The following PRR16 variants were observed in gnomAD, a reference collection of about 807,000 sequenced individuals.
PRR16 encodes the protein proline rich 16, also known as protein Largen.
Under a neutral mutation model 18.2 loss-of-function variants are expected in PRR16, and 6 were observed. The observed-to-expected ratio is 0.33, with a 90% CI of 0.18 to 0.65. PRR16 has a LOEUF of 0.65. PRR16 is among the 30% of genes least tolerant of loss of function. PRR16 has a pLI of 0.74. For missense variants in PRR16, 412 were observed against 376.6 expected (o/e 1.09, Z -0.78); for synonymous variants, 151 against 147.8 (o/e 1.02, Z -0.16).
intron 1 of PRR16, among the ~76,000 whole-genome samples, chr5:120,649,062 G>T (rs1400053416): frequency 2.0e-5 from 3 of 151,988 alleles, no homozygotes; most frequent in Admixed American, 2.0e-4. Flanking sequence ...TTAACAATTG[G>T]CTCACAAATT....
At chr5:120,579,927 C>T (rs1753211325) in intron 1 of PRR16, among the ~76,000 whole-genome samples, 1 of 152,064 alleles carries the variant, frequency 6.6e-6, no homozygotes, top group Non-Finnish European at 1.5e-5. Flanking sequence ...GTTTGTAGTT[C>T]TCCTTGAAGA....
At chr5:120,537,703 T>C (rs968422766) in intron 1 of PRR16, among the ~76,000 whole-genome samples, 4 of 152,002 alleles carry the variant, frequency 2.6e-5, no homozygotes, top group Non-Finnish European at 4.4e-5. Flanking sequence ...AAAAATAAAT[T>C]GTTTTTAAAC....
intron 1 of PRR16, among the ~76,000 whole-genome samples, chr5:120,626,137 T>C (rs1316838308): frequency 1.3e-5 from 2 of 152,118 alleles, no homozygotes; most frequent in Non-Finnish European, 2.9e-5. Flanking sequence ...GTTATAAACA[T>C]GTGTATACCC....
At chr5:120,746,969 G>A in the PRR16 span, among the ~76,000 whole-genome samples, 21 of 152,200 alleles carry the variant, frequency 1.4e-4, no homozygotes, top group South Asian at 1.0e-3. Flanking sequence ...GCAAGCTTTC[G>A]TTTCAATTTA....
chr5:120,495,580 A>T (rs1750217651), intron 1 of PRR16, among the ~76,000 whole-genome samples: 1 of 152,130 alleles, frequency 6.6e-6, no homozygotes, highest in African/African-American at 2.4e-5. Context: ...CTTTCCATAA[A>T]TATTTTCCAT....
At chr5:120,772,777 A>C in the PRR16 span, among the ~76,000 whole-genome samples, 1 of 152,096 alleles carries the variant, frequency 6.6e-6, no homozygotes, top group East Asian at 1.9e-4. Context: ...GATGCTCACA[A>C]AACATCTTCC....
At chr5:120,511,336 G>C (rs1254591268) in intron 1 of PRR16, among the ~76,000 whole-genome samples, 1 of 152,096 alleles carries the variant, frequency 6.6e-6, no homozygotes, top group African/African-American at 2.4e-5. Context: ...CTCTTGGACT[G>C]AGCCTCTGAG....
At chr5:120,492,313 G>T (rs1173510038) in intron 1 of PRR16, among the ~76,000 whole-genome samples, 7 of 149,348 alleles carry the variant, frequency 4.7e-5, no homozygotes, top group South Asian at 2.1e-4. Context: ...GAGACACAAG[G>T]TCTCCTTATT....
chr5:120,626,278 G>A (rs181187786), intron 1 of PRR16, among the ~76,000 whole-genome samples: 185 of 152,160 alleles, frequency 1.2e-3, no homozygotes, highest in African/African-American at 4.2e-3. Flanking sequence ...GTTTGGCAAT[G>A]AAAAGTAAAC....
intron 1 of PRR16, among the ~76,000 whole-genome samples, chr5:120,641,634 C>T (rs941134245): frequency 6.6e-6 from 1 of 152,042 alleles, no homozygotes; most frequent in Non-Finnish European, 1.5e-5. Context: ...CTCTCAACTG[C>T]CCTTGACTAC....
chr5:120,605,241 T>A (rs548937084), intron 1 of PRR16, among the ~76,000 whole-genome samples: 2 of 152,328 alleles, frequency 1.3e-5, no homozygotes, highest in Admixed American at 6.5e-5. Context: ...GGTTTGTTCA[T>A]TTCAAAAAAT....
chr5:120,665,951 G>A (rs896817430), intron 1 of PRR16, among the ~76,000 whole-genome samples: 1 of 152,004 alleles, frequency 6.6e-6, no homozygotes, highest in Non-Finnish European at 1.5e-5. Context: ...GCTCTTTTTT[G>A]GTTCCATGTG....
At chr5:120,585,836 C>A (rs995317881) in intron 1 of PRR16, among the ~76,000 whole-genome samples, 1 of 151,788 alleles carries the variant, frequency 6.6e-6, no homozygotes, top group Non-Finnish European at 1.5e-5. Context: ...TCCAGGATCC[C>A]TGTTATCTTG....
At chr5:120,541,633 C>G (rs1229540259) in intron 1 of PRR16, among the ~76,000 whole-genome samples, 1 of 152,134 alleles carries the variant, frequency 6.6e-6, no homozygotes, top group Non-Finnish European at 1.5e-5. Flanking sequence ...AAAATGATTG[C>G]TCAAGGGCAT....
At position 120,639,793 on chromosome 5, in the gene PRR16, A is replaced by G. The variant is rs570708627; in HGVS notation, c.160-46161A>G. Among the ~76,000 whole-genome samples, 14 of 151,800 alleles carry G rather than the reference A, an allele frequency of 9.2e-5. 1 individual carries two copies. The South Asian group carries it at 2.9e-3, about 32-fold the overall frequency. On this transcript the variant is annotated intron_variant, in intron 1 of 1. Transcript: ENST00000407149. ...ATCCAGCAATCCAAATACTAGATAC[A>G]TACCCAAAAGAAAATAAATCATTTT...
chr5:120,520,547 A>C (rs148011139), intron 1 of PRR16, among the ~76,000 whole-genome samples: 38 of 152,338 alleles, frequency 2.5e-4, no homozygotes, highest in Non-Finnish European at 4.3e-4. Flanking sequence ...GAAACTCTTT[A>C]TTCAAATCTT....
intron 1 of PRR16, among the ~76,000 whole-genome samples, chr5:120,478,374 A>G (rs1749508480): frequency 6.6e-6 from 1 of 152,168 alleles, no homozygotes; most frequent in Non-Finnish European, 1.5e-5. Flanking sequence ...CTTTGATTCC[A>G]TAATCTACTA....
At chr5:120,749,314 C>T in the PRR16 span, among the ~76,000 whole-genome samples, 1 of 152,004 alleles carries the variant, frequency 6.6e-6, no homozygotes, top group Non-Finnish European at 1.5e-5. Context: ...CAAAATTTAA[C>T]TTGAAATTAT....
chr5:120,623,751 AT>A, intron 1 of PRR16, among the ~76,000 whole-genome samples: 1 of 152,216 alleles, frequency 6.6e-6, no homozygotes, highest in East Asian at 1.9e-4. Flanking sequence ...GTGTTTTCCA[AT>A]GTAGGTAAAT....
Sources: gnomAD v4.1 joint callset for allele counts (sites outside exome capture counted in the v4.1 genomes callset) on GRCh38, gnomAD v4.1.1 for gene constraint, MANE v1.5 for transcripts, NCBI Gene and HGNC (gene_info 2026-07-23, HGNC 2026-07-21) for gene names.